TIAM2: variants seen among roughly 807,000 people sequenced by gnomAD.
The protein encoded by TIAM2 is TIAM Rac1 associated GEF 2, also known as rho guanine nucleotide exchange factor TIAM2.
Under a neutral mutation model 152.9 loss-of-function variants are expected in TIAM2, and 80 were observed. That is an observed-to-expected ratio of 0.52 (90% CI 0.44 to 0.63). TIAM2 has a LOEUF of 0.63. TIAM2 is among the 30% of genes least tolerant of loss of function. TIAM2 has a pLI of 0.00. For missense variants in TIAM2, 1,965 were observed against 2,120.1 expected (o/e 0.93, Z 1.44); for synonymous variants, 804 against 838.0 (o/e 0.96, Z 0.70).
chr6:155,154,993 A>G (rs902676635), intron 7 of TIAM2, among the ~76,000 whole-genome samples: 2 of 152,218 alleles, frequency 1.3e-5, no homozygotes, highest in African/African-American at 4.8e-5. Context: ...TACAGGGGGA[A>G]GCAGTTTGAG....
At chr6:155,210,792 T>C (rs891115981) in intron 14 of TIAM2, among the ~76,000 whole-genome samples, 3 of 152,260 alleles carry the variant, frequency 2.0e-5, no homozygotes, top group Non-Finnish European at 2.9e-5. Context: ...TATTCCATCA[T>C]TGGTTTCCAA....
intron 1 of TIAM2, among the ~76,000 whole-genome samples, chr6:155,040,891 G>T (rs1170979342): frequency 1.3e-5 from 2 of 152,232 alleles, no homozygotes; most frequent in South Asian, 2.1e-4. Flanking sequence ...TTCATATCAT[G>T]AAAATGATGG....
At chr6:155,081,405 GAAA>G (rs33989916) in intron 1 of TIAM2, among the ~76,000 whole-genome samples, 2 of 145,032 alleles carry the variant, frequency 1.4e-5, no homozygotes, top group African/African-American at 2.5e-5. Context: ...TGAGTCTTCT[GAAA>G]AAAAAAAAAA....
intron 2 of TIAM2, among the ~76,000 whole-genome samples, chr6:155,118,250 C>G (rs1277670869): frequency 6.6e-6 from 1 of 152,090 alleles, no homozygotes; most frequent in Non-Finnish European, 1.5e-5. Context: ...GGACCTGCAC[C>G]CCCTTCACAC....
intron 2 of TIAM2, among the ~76,000 whole-genome samples, chr6:155,101,852 CT>C (rs1778556459): frequency 1.3e-5 from 2 of 152,120 alleles, no homozygotes; most frequent in African/African-American, 4.8e-5. Flanking sequence ...CAGGTGGACA[CT>C]GCCACGCCTG....
intron 15 of TIAM2, among the ~76,000 whole-genome samples, chr6:155,237,186 G>A (rs1287631771): frequency 6.6e-6 from 1 of 152,208 alleles, no homozygotes; most frequent in Admixed American, 6.5e-5. Flanking sequence ...GGGGCTCCAG[G>A]CCCCATGCAA....
At chr6:155,111,666 A>G (rs1441102416) in intron 2 of TIAM2, among the ~76,000 whole-genome samples, 2 of 151,992 alleles carry the variant, frequency 1.3e-5, no homozygotes, top group East Asian at 1.9e-4. Flanking sequence ...TGTGCGTGCA[A>G]TTCCTCTCCC....
intron 1 of TIAM2, among the ~76,000 whole-genome samples, chr6:155,046,120 G>T (rs1749512721): frequency 6.6e-6 from 1 of 151,834 alleles, no homozygotes; most frequent in East Asian, 1.9e-4. Flanking sequence ...CCCACCTCCC[G>T]AGGTTTGGGC....
chr6:155,134,182 G>T (rs899723868), intron 4 of TIAM2, among the ~76,000 whole-genome samples: 9 of 151,754 alleles, frequency 5.9e-5, no homozygotes, highest in African/African-American at 2.2e-4. Context: ...TATATAGCAG[G>T]CACCTTAGTT....
intron 2 of TIAM2, among the ~76,000 whole-genome samples, chr6:155,098,098 G>T (rs1422528685): frequency 6.6e-6 from 1 of 152,088 alleles, no homozygotes; most frequent in Non-Finnish European, 1.5e-5. Flanking sequence ...TTGAAGTCAG[G>T]TATAGTTTGA....
chr6:155,198,278 G>A (rs1317458751), intron 14 of TIAM2, among the ~76,000 whole-genome samples: 1 of 152,200 alleles, frequency 6.6e-6, no homozygotes, highest in Non-Finnish European at 1.5e-5. Context: ...AGAGTGTAAA[G>A]GATGTTTCAG....
At chr6:155,158,539 A>G (rs932092583) in intron 7 of TIAM2, among the ~76,000 whole-genome samples, 2 of 151,964 alleles carry the variant, frequency 1.3e-5, no homozygotes, top group Admixed American at 6.6e-5. Context: ...AGCTCAATCT[A>G]TATAGAAGTT....
At chr6:155,066,931 AT>A (rs2114947035) in intron 1 of TIAM2, among the ~76,000 whole-genome samples, 1 of 152,066 alleles carries the variant, frequency 6.6e-6, no homozygotes, top group East Asian at 1.9e-4. Flanking sequence ...AATTTTTTGT[AT>A]TTTTAATAGA....
chr6:155,122,705 G>A (rs956453318), intron 2 of TIAM2, among the ~76,000 whole-genome samples: 13 of 151,932 alleles, frequency 8.6e-5, no homozygotes, highest in African/African-American at 2.7e-4. Flanking sequence ...CTTAAATTAC[G>A]TCTCTACCAG....
At chr6:155,153,663 C>T (rs1440567391) in intron 7 of TIAM2, among the ~76,000 whole-genome samples, 1 of 140,776 alleles carries the variant, frequency 7.1e-6, no homozygotes, top group Non-Finnish European at 1.5e-5. Flanking sequence ...GCTCTGTCAC[C>T]CAGGCTGGAG....
chr6:155,031,808 A>C (rs963602513), intron 1 of TIAM2, among the ~76,000 whole-genome samples: 5 of 152,202 alleles, frequency 3.3e-5, no homozygotes, highest in Admixed American at 2.0e-4. Context: ...GATGGGCTTA[A>C]AGATGAAAAC....
At chr6:155,118,119 G>C (rs1273378141) in intron 2 of TIAM2, among the ~76,000 whole-genome samples, 1 of 152,184 alleles carries the variant, frequency 6.6e-6, no homozygotes, top group East Asian at 1.9e-4. Flanking sequence ...AGTGGGTAGG[G>C]GAGGGTGTAA....
chr6:155,047,991 C>T lies in TIAM2; in HGVS notation c.-208-42298C>T, dbSNP rs527941598. On this transcript the variant is annotated intron_variant, in intron 1 of 26. Transcript: ENST00000682666. ...TTTTTTTGAGACACAGTCTTGCTGT[C>T]GCCCAGGCTGGAGTGCAGTGGCGCG... Among the ~76,000 whole-genome samples the T allele has an allele frequency of 6.6e-5, 10 of 152,094 alleles. No individual in the cohort carries two copies. In the East Asian group the frequency reaches 1.7e-3, roughly 27 times the overall value.
At chr6:155,116,142 G>A (rs6899446) in intron 2 of TIAM2, among the ~76,000 whole-genome samples, 117,644 of 152,136 alleles carry the variant, frequency 0.77, 45,884 homozygotes, top group African/African-American at 0.88. Context: ...CCCTCCATCC[G>A]TGTTTCATCT....
Sources: allele counts gnomAD v4.1 joint callset (sites outside exome capture counted in the v4.1 genomes callset), GRCh38; gene constraint gnomAD v4.1.1; transcripts MANE v1.5; gene names NCBI Gene and HGNC (gene_info 2026-07-23, HGNC 2026-07-21).